Variants in DPP10 observed in about 807,000 individuals in gnomAD.
DPP10 encodes dipeptidyl peptidase like 10, also known as inactive dipeptidyl peptidase 10.
In DPP10, 33 loss-of-function variants were observed where a neutral mutation model predicts 120.9. The observed-to-expected ratio is 0.27, with a 90% CI of 0.21 to 0.37. The LOEUF is 0.37. DPP10 is among the 10% of genes least tolerant of loss of function. The pLI, the probability that DPP10 is intolerant of heterozygous loss-of-function variation, is 1.00. For missense variants in DPP10, 816 were observed against 942.8 expected (o/e 0.87, Z 1.76); for synonymous variants, 337 against 326.1 (o/e 1.03, Z -0.36).
intron 1 of DPP10, among the ~76,000 whole-genome samples, chr2:114,720,417 T>A (rs1372255711): frequency 6.6e-6 from 1 of 152,186 alleles, no homozygotes; most frequent in Non-Finnish European, 1.5e-5. Flanking sequence ...AAGGATAAAA[T>A]AAAGATATCA....
At chr2:115,366,007 A>G (rs565787027) in intron 3 of DPP10, among the ~76,000 whole-genome samples, 122 of 152,114 alleles carry the variant, frequency 8.0e-4, no homozygotes, top group African/African-American at 2.8e-3. Context: ...TTATAGATTT[A>G]TTTTGTTATG....
intron 13 of DPP10, among the ~76,000 whole-genome samples, chr2:115,770,275 G>C (rs1681299791): frequency 6.6e-6 from 1 of 151,982 alleles, no homozygotes; most frequent in African/African-American, 2.4e-5. Context: ...TATAAGCCTA[G>C]GGAAGAAATA....
rs1218614660 is a variant in DPP10, at chr2:114,738,994, T to A, written c.60+296156T>A. ...AGGTATGGCCTGCAGTTCCCAGCAC[T>A]AGAAATAGAGTTTCCCTTCAACTCA... is the stretch of plus-strand genomic sequence containing the variant. On this transcript the variant is annotated intron_variant, in intron 1 of 25. Transcript: ENST00000410059. 4.6e-5 allele frequency among the ~76,000 whole-genome samples: 7 copies of A among 152,124 alleles called. No homozygotes were observed. In the East Asian group the frequency reaches 9.7e-4, roughly 21 times the overall value.
At chr2:115,109,203 T>G (rs1381177927) in intron 1 of DPP10, among the ~76,000 whole-genome samples, 1 of 152,250 alleles carries the variant, frequency 6.6e-6, no homozygotes, top group East Asian at 1.9e-4. Context: ...TGGGGATTTC[T>G]TAACCCTAAT....
intron 1 of DPP10, among the ~76,000 whole-genome samples, chr2:114,782,486 A>G (rs563559630): frequency 2.6e-5 from 4 of 152,146 alleles, no homozygotes; most frequent in Admixed American, 1.3e-4. Context: ...TATACAAACT[A>G]TCATGGGTTT....
At chr2:115,130,215 ATT>A (rs979010329) in intron 1 of DPP10, among the ~76,000 whole-genome samples, 1 of 152,090 alleles carries the variant, frequency 6.6e-6, no homozygotes, top group Non-Finnish European at 1.5e-5. Flanking sequence ...CATTGTTTGC[ATT>A]TTTGTTCCAT....
intron 1 of DPP10, among the ~76,000 whole-genome samples, chr2:115,279,655 C>CTTTTTTTTTTTTTTTCTTTTTTT (rs2060071464): frequency 2.3e-5 from 1 of 42,712 alleles, no homozygotes; most frequent in Non-Finnish European, 3.8e-5. Flanking sequence ...TTTTCTTCTT[C>CTTTTTTTTTTTTTTTCTTTTTTT]TTTTTTTTTT....
At chr2:115,291,362 A>G (rs1037720631) in intron 1 of DPP10, among the ~76,000 whole-genome samples, 2 of 152,230 alleles carry the variant, frequency 1.3e-5, no homozygotes, top group South Asian at 2.1e-4. Flanking sequence ...ACTCAAGGTC[A>G]TTAATAGAAC....
At chr2:114,651,115 T>C (rs1696549943) in intron 1 of DPP10, among the ~76,000 whole-genome samples, 1 of 152,146 alleles carries the variant, frequency 6.6e-6, no homozygotes, top group Non-Finnish European at 1.5e-5. Context: ...TTGTTTATGG[T>C]TGTGTCACTT....
chr2:114,630,134 CT>C (rs1694814516), intron 1 of DPP10, among the ~76,000 whole-genome samples: 1 of 152,016 alleles, frequency 6.6e-6, no homozygotes, highest in Admixed American at 6.6e-5. Flanking sequence ...CGTTTTTTCT[CT>C]CTCTAGTGCT....
At chr2:115,261,025 T>TAG (rs143195875) in intron 1 of DPP10, among the ~76,000 whole-genome samples, 2,059 of 152,266 alleles carry the variant, frequency 0.014, 49 homozygotes, top group African/African-American at 0.048. Flanking sequence ...AAATACTGCA[T>TAG]AGAGGCATTG....
chr2:114,900,193 C>G (rs1465537778), intron 1 of DPP10, among the ~76,000 whole-genome samples: 1 of 152,182 alleles, frequency 6.6e-6, no homozygotes, highest in East Asian at 1.9e-4. Context: ...GAGGGTAGGA[C>G]TTCACATTGG....
chr2:115,597,067 A>T lies in DPP10; in HGVS notation c.441+71095A>T, dbSNP rs141819083. The stretch of plus-strand genomic sequence containing the variant: ...ATGAGAAGCAGGCACAGCTGGAAGT[A>T]AAACGCATATCCCTCAGAATCAAGG... On this transcript the variant is annotated intron_variant, in intron 5 of 25. Transcript: ENST00000410059. Among the ~76,000 whole-genome samples, 259 of 152,292 alleles carry T rather than the reference A, an allele frequency of 1.7e-3. 4 individuals are homozygous for T. The highest frequency in any genetic ancestry group is 5.8e-3 in the African/African-American group (243 of 41,570).
chr2:114,737,704 G>A (rs1278559327), intron 1 of DPP10, among the ~76,000 whole-genome samples: 1 of 152,206 alleles, frequency 6.6e-6, no homozygotes, highest in East Asian at 1.9e-4. Flanking sequence ...CAAAAAGCAT[G>A]AGGCTGAGAG....
At chr2:114,824,800 A>G (rs796139565) in intron 1 of DPP10, among the ~76,000 whole-genome samples, 45 of 152,354 alleles carry the variant, frequency 3.0e-4, no homozygotes, top group African/African-American at 8.9e-4. Flanking sequence ...CTAAAGGAAT[A>G]TCTAAAAAGC....
At chr2:114,494,835 T>G (rs1468299289) in intron 1 of DPP10, among the ~76,000 whole-genome samples, 3 of 152,156 alleles carry the variant, frequency 2.0e-5, no homozygotes, top group Non-Finnish European at 4.4e-5. Context: ...CCAAAAGGTT[T>G]GGTATTAGTG....
At chr2:114,718,199 G>T (rs1701478799) in intron 1 of DPP10, among the ~76,000 whole-genome samples, 1 of 151,720 alleles carries the variant, frequency 6.6e-6, no homozygotes, top group African/African-American at 2.4e-5. Context: ...TTTGTCATTT[G>T]TGTAATATAT....
intron 1 of DPP10, among the ~76,000 whole-genome samples, chr2:114,490,577 G>T (rs1034931309): frequency 6.6e-6 from 1 of 152,050 alleles, no homozygotes; most frequent in Non-Finnish European, 1.5e-5. Flanking sequence ...GGAGGCAGCC[G>T]AGAAAGACTT....
At chr2:114,498,321 C>T (rs1482437160) in intron 1 of DPP10, among the ~76,000 whole-genome samples, 11 of 152,062 alleles carry the variant, frequency 7.2e-5, no homozygotes, top group Admixed American at 7.2e-4. Context: ...CTACTTCCTC[C>T]CTCCCCCTCC....
Sources: gnomAD v4.1 joint callset for allele counts (sites outside exome capture counted in the v4.1 genomes callset) on GRCh38, gnomAD v4.1.1 for gene constraint, MANE v1.5 for transcripts, NCBI Gene and HGNC (gene_info 2026-07-23, HGNC 2026-07-21) for gene names.